TRERF1: variants seen among roughly 807,000 people sequenced by gnomAD.
The protein encoded by TRERF1 is transcriptional regulating factor 1.
In TRERF1, 27 loss-of-function variants were observed where a neutral mutation model predicts 122.9. That is an observed-to-expected ratio of 0.22 (90% CI 0.16 to 0.30). The LOEUF (loss-of-function observed/expected upper bound fraction) is 0.30. TRERF1 is among the 10% of genes least tolerant of loss of function. The probability of loss-of-function intolerance (pLI) is 1.00; values close to 1 mark genes in which losing one functional copy is unlikely to be tolerated. For missense variants in TRERF1, 1,248 were observed against 1,560.3 expected (o/e 0.80, Z 3.37); for synonymous variants, 636 against 641.7 (o/e 0.99, Z 0.13).
chr6:42,274,547 TGCAC>T (rs1780822492), intron 4 of TRERF1, among the ~76,000 whole-genome samples: 1 of 151,934 alleles, frequency 6.6e-6, no homozygotes, highest in Non-Finnish European at 1.5e-5. Flanking sequence ...GGCGTGGTGG[TGCAC>T]CCCTGTAGTC....
At chr6:42,389,011 G>GAACC (rs1216675786) in intron 2 of TRERF1, among the ~76,000 whole-genome samples, 1 of 152,142 alleles carries the variant, frequency 6.6e-6, no homozygotes, top group Non-Finnish European at 1.5e-5. Flanking sequence ...ACCAAGACTG[G>GAACC]AACCTAGACA....
chr6:42,313,082 T>C (rs1468890494), intron 3 of TRERF1, among the ~76,000 whole-genome samples: 1 of 152,168 alleles, frequency 6.6e-6, no homozygotes, highest in Non-Finnish European at 1.5e-5. Flanking sequence ...AAGGCAGGGC[T>C]GGCTGTGTAG....
chr6:42,349,526 T>C (rs1490423274), intron 3 of TRERF1, among the ~76,000 whole-genome samples: 6 of 152,116 alleles, frequency 3.9e-5, no homozygotes, highest in Admixed American at 1.3e-4. Context: ...CTCCATAAGC[T>C]ACCCAGTGAA....
chr6:42,266,717 G>T (rs1561865400), intron 5 of TRERF1, among the ~76,000 whole-genome samples: 1 of 152,156 alleles, frequency 6.6e-6, no homozygotes, highest in Non-Finnish European at 1.5e-5. Context: ...ATAAGCCAAG[G>T]CATGAAAAGT....
At chr6:42,342,932 T>C (rs770942838) in intron 3 of TRERF1, among the ~76,000 whole-genome samples, 1 of 152,196 alleles carries the variant, frequency 6.6e-6, no homozygotes, top group African/African-American at 2.4e-5. Flanking sequence ...TGGCATGCCA[T>C]CCTAATCTAA....
intron 16 of TRERF1, among the ~76,000 whole-genome samples, chr6:42,233,495 C>A (rs966964041): frequency 5.3e-5 from 8 of 152,118 alleles, no homozygotes; most frequent in East Asian, 3.9e-4. Flanking sequence ...CCGTGTTAGC[C>A]AGGATGGTCT....
At chr6:42,349,821 C>T (rs1380428371) in intron 3 of TRERF1, among the ~76,000 whole-genome samples, 1 of 152,112 alleles carries the variant, frequency 6.6e-6, no homozygotes, top group East Asian at 1.9e-4. Context: ...CCCAGAGGAA[C>T]AATACCAATA....
intron 12 of TRERF1, among the ~76,000 whole-genome samples, chr6:42,255,391 A>C (rs1302992217): frequency 6.6e-6 from 1 of 152,264 alleles, no homozygotes; most frequent in Non-Finnish European, 1.5e-5. Context: ...AGCTAAATAA[A>C]CTGTTTCAAA....
In TRERF1 at chr6:42,269,865, A is replaced by G. The variant is rs144627048; in HGVS notation, c.-258-17T>C. On this transcript the variant is annotated splice_polypyrimidine_tract_variant and intron_variant, in intron 4 of 17. Transcript: ENST00000372922. This position sits in a 1 kb window ranked among gnomAD's most constrained non-coding sequence, Gnocchi z 4.9. ...CGCTCACACCTGCAAGGCAAGATGC[A>G]AAAGACAGGAAAGGATTTATTTGGA... The G allele has an allele frequency of 4.0e-5, 24 of 596,300 alleles. No individual in the cohort carries two copies. The highest frequency in any genetic ancestry group is 3.9e-4 in the East Asian group (11 of 27,954). The allele number at this position is 596,300 out of a possible 1,614,324, so 36.9% of individuals were successfully genotyped here.
chr6:42,282,477 G>A (rs903198748), intron 4 of TRERF1, among the ~76,000 whole-genome samples: 9 of 152,186 alleles, frequency 5.9e-5, no homozygotes, highest in African/African-American at 2.2e-4. Context: ...GAGCCCAGAA[G>A]GTTAAGGCTG....
chr6:42,272,559 C>T (rs768983193), intron 4 of TRERF1, among the ~76,000 whole-genome samples: 12 of 152,038 alleles, frequency 7.9e-5, no homozygotes, highest in South Asian at 2.1e-4. Context: ...GAGATGATGC[C>T]CACCCCCAAG....
At position 42,376,255 on chromosome 6, in the gene TRERF1, G is replaced by C. The variant is rs561320460; in HGVS notation, c.-453-13176C>G. On this transcript the variant is annotated intron_variant, in intron 2 of 17. Transcript: ENST00000372922. ...AAACGTTCATTCCTCTCACCTAAAA[G>C]GTTTCTCCTTTTATAAGCTAATATG... Among the ~76,000 whole-genome samples, 7 of 152,310 alleles carry C rather than the reference G, an allele frequency of 4.6e-5. No individual in the cohort carries two copies. In the South Asian group the frequency reaches 1.0e-3, roughly 23 times the overall value.
In TRERF1 at chr6:42,274,126, C is replaced by T. The variant is rs576274295; in HGVS notation, c.-258-4278G>A. Among the ~76,000 whole-genome samples, 5 of 152,310 alleles carry T rather than the reference C, an allele frequency of 3.3e-5. No homozygotes were observed. The South Asian group carries it at 8.3e-4, about 25-fold the overall frequency. ...TCTTGGGCTAGCAGCCCCAGGATCA[C>T]CTGGGAAATAACAAATACTAATTCT... On this transcript the variant is annotated intron_variant, in intron 4 of 17. Coordinates refer to ENST00000372922, the Ensembl canonical transcript of TRERF1.
At chr6:42,250,363 C>T (rs1775522813) in intron 13 of TRERF1, among the ~76,000 whole-genome samples, 1 of 152,164 alleles carries the variant, frequency 6.6e-6, no homozygotes, top group Admixed American at 6.5e-5. Context: ...TTATTATATC[C>T]ATAGTCTTCT....
At chr6:42,261,272 C>G (rs547675453) in intron 8 of TRERF1, among the ~76,000 whole-genome samples, 1 of 152,260 alleles carries the variant, frequency 6.6e-6, no homozygotes, top group South Asian at 2.1e-4. Context: ...CTCAACGCAG[C>G]ACTGCAATCC....
In TRERF1 at chr6:42,264,797, G is replaced by A. The variant is rs142191729; in HGVS notation, c.1542C>T (p.Cys514=). The A allele has an allele frequency of 6.2e-6, 10 of 1,614,234 alleles. No individual in the cohort carries two copies. The African/African-American group carries it at 8.0e-5, about 13-fold the overall frequency. The change falls in exon 7 of 18, where the codon TGC becomes TGT. Residue 514 remains cysteine, a synonymous_variant. Transcript: ENST00000372922. ...TCTTGAACTCCTTCAGGCAGATGGA[G>A]CATGTCAGCTTGTTCTTGGCATCAA...
intron 4 of TRERF1, among the ~76,000 whole-genome samples, chr6:42,294,225 G>A (rs112066881): frequency 0.13 from 17,307 of 135,986 alleles, 1,007 homozygotes; most frequent in Admixed American, 0.15. Context: ...TCTGTCTCCT[G>A]GGCTGGAGTG....
chr6:42,244,072 G>T (rs191525064), intron 14 of TRERF1, among the ~76,000 whole-genome samples: 17 of 151,750 alleles, frequency 1.1e-4, no homozygotes, highest in South Asian at 6.2e-4. Context: ...GTAGAGATGG[G>T]GTTTCACCAT....
At chr6:42,435,091 A>T (rs260257) in intron 2 of TRERF1, among the ~76,000 whole-genome samples, 106,142 of 151,340 alleles carry the variant, frequency 0.7, 38,486 homozygotes, top group Non-Finnish European at 0.8. Flanking sequence ...AGATTGTACC[A>T]TTGCACTCCA....
Sources: gnomAD v4.1 joint callset for allele counts (sites outside exome capture counted in the v4.1 genomes callset) on GRCh38, gnomAD v4.1.1 for gene constraint, Gnocchi (gnomAD v3.1) non-coding constraint, MANE v1.5 for transcripts, NCBI Gene and HGNC (gene_info 2026-07-23, HGNC 2026-07-21) for gene names.